WDR62: variants seen among roughly 807,000 people sequenced by gnomAD.
WDR62 encodes WD repeat domain 62, also known as WD repeat-containing protein 62.
In WDR62, 112 loss-of-function variants were observed where a neutral mutation model predicts 160.6. That is an observed-to-expected ratio of 0.70 (90% CI 0.60 to 0.82). WDR62 has a LOEUF of 0.82. WDR62 is among the 40% of genes least tolerant of loss of function. The pLI, the probability that WDR62 is intolerant of heterozygous loss-of-function variation, is 0.00. For missense variants in WDR62, 1,819 were observed against 1,983.8 expected (o/e 0.92, Z 1.58); for synonymous variants, 792 against 815.1 (o/e 0.97, Z 0.48).
Position 36,092,775 on chromosome 19 carries a change from A to G in WDR62, c.2297A>G (p.Gln766Arg). 1 of 1,614,174 alleles carries G rather than the reference A, an allele frequency of 6.2e-7. No homozygotes were observed. Among genetic ancestry groups the G allele is most frequent in the Non-Finnish European group, 8.5e-7 (1 of 1,180,006 alleles). The change falls in exon 19 of 32, where the codon CAG becomes CGG. Residue 766 changes from glutamine (Q) to arginine (R), a missense_variant. Physicochemically the swap from Gln to Arg is conservative, Grantham distance 43. Transcript: ENST00000401500. Reference sequence around the variant, plus strand: ...GAGATTGACCACCGGCAGCAGCAGCAGCACACAAATGACAAGAAGCGGAGT... The same window carrying G: ...GAGATTGACCACCGGCAGCAGCAGCGGCACACAAATGACAAGAAGCGGAGT... ...LLEIDHRQQQ[Q>R]HTNDKKRSGH...
At chr19:36,065,695 C>T (rs1970896927) in intron 3 of WDR62, among the ~76,000 whole-genome samples, 1 of 152,192 alleles carries the variant, frequency 6.6e-6, no homozygotes, top group East Asian at 1.9e-4. Context: ...GAGAAGAAAG[C>T]AGGGTCCGCA....
At position 36,091,766 on chromosome 19, in the gene WDR62, C is replaced by G. The variant is rs10405023; in HGVS notation, c.2210+301C>G. Among the ~76,000 whole-genome samples, 141,284 of 152,122 alleles carry G rather than the reference C, an allele frequency of 0.93. 65,694 individuals carry two copies. Among genetic ancestry groups the G allele is most frequent in the East Asian group, 1 (5,174 of 5,178 alleles). On this transcript the variant is annotated intron_variant, in intron 18 of 31. Coordinates refer to ENST00000401500, the MANE Select transcript of WDR62 (RefSeq NM_001083961.2). ...TAGCCGGGTGTGGTCATGTACACCTCTAGTCCCAGCTACTCAGGAGGGGGA... is the reference window on the plus strand; with the variant it reads ...TAGCCGGGTGTGGTCATGTACACCTGTAGTCCCAGCTACTCAGGAGGGGGA...
rs765416542 is a variant in WDR62 at position 36,103,549 on chromosome 19, A to G, written c.3721A>G (p.Ile1241Val). The G allele has an allele frequency of 1.2e-5, 19 of 1,613,718 alleles. No homozygotes were observed. The highest frequency in any genetic ancestry group is 5.0e-5 in the Admixed American group (3 of 60,006). Residue 1241 changes from isoleucine to valine, a missense_variant, in exon 30 of 32, where the codon ATC (isoleucine) becomes GTC (valine). Coordinates refer to ENST00000401500, the MANE Select transcript of WDR62 (RefSeq NM_001083961.2). ...CTCCCTCGGTGACAGTGAGGGCCCTATCGTGGCCACACTGGCCCAGCCCCT... is the reference window on the plus strand; with the variant it reads ...CTCCCTCGGTGACAGTGAGGGCCCTGTCGTGGCCACACTGGCCCAGCCCCT... The part of the protein sequence containing the change: ...SISLGDSEGP[I>V]VATLAQPLRR...
At chr19:36,064,455 A>G (rs1403822188) in intron 3 of WDR62, among the ~76,000 whole-genome samples, 2 of 150,126 alleles carry the variant, frequency 1.3e-5, no homozygotes, top group Non-Finnish European at 3.0e-5. Context: ...TTGTTTTTGT[A>G]TTTTTAGTAT....
chr19:36,071,481 C>T, intron 7 of WDR62, 75 bp from the exon 8 acceptor site: 1 of 1,580,478 alleles, frequency 6.3e-7, no homozygotes, highest in Middle Eastern at 1.7e-4. Context: ...CCTAAGGCTG[C>T]TCTGTCAGTC....
chr19:36,091,520 C>T, intron 18 of WDR62, 55 bp downstream of exon 18: 1 of 1,540,374 alleles, frequency 6.5e-7, no homozygotes, highest in Non-Finnish European at 9.0e-7. Flanking sequence ...GCACTGCACT[C>T]AGCCTGCCTG....
intron 3 of WDR62, among the ~76,000 whole-genome samples, chr19:36,063,165 G>A (rs963596260): frequency 2.0e-5 from 3 of 152,148 alleles, no homozygotes; most frequent in Non-Finnish European, 4.4e-5. Flanking sequence ...GGATGGTCTC[G>A]ATCTCCTGAC....
chr19:36,058,904 T>C (rs200253860), intron 2 of WDR62, 33 bp downstream of exon 2: 107 of 1,570,402 alleles, frequency 6.8e-5, no homozygotes, highest in Non-Finnish European at 8.8e-5. Context: ...GTCTAATCAT[T>C]GCTAGGGAAT....
At chr19:36,064,137 T>C (rs187579907) in intron 3 of WDR62, among the ~76,000 whole-genome samples, 45 of 152,326 alleles carry the variant, frequency 3.0e-4, no homozygotes, top group African/African-American at 1.1e-3. Context: ...GGTCAGGGCA[T>C]GCGACAGGTT....
At position 36,103,643 on chromosome 19, in the gene WDR62, C is replaced by T. The variant is rs778391501; in HGVS notation, c.3815C>T (p.Thr1272Ile). 6.2e-7 allele frequency: 1 copy of T among 1,610,632 alleles called. No homozygotes were observed. Among genetic ancestry groups the T allele is most frequent in the Non-Finnish European group, 8.5e-7 (1 of 1,179,974 alleles). The part of the protein sequence containing the change: ...GQELQAITTA[T>I]TPSLDSEGQE... Reference sequence around the variant, plus strand: ...GAGCTTCAGGCCATCACCACCGCGACAACACCCAGTTTGGACAGTGAGGGC... The same window carrying T: ...GAGCTTCAGGCCATCACCACCGCGATAACACCCAGTTTGGACAGTGAGGGC... The change falls in exon 30 of 32, where the codon ACA becomes ATA. Residue 1272 changes from threonine (T) to isoleucine (I), a missense_variant. By Grantham distance (89) the Thr-to-Ile change is moderately conservative. Coordinates refer to ENST00000401500, the MANE Select transcript of WDR62 (RefSeq NM_001083961.2).
chr19:36,111,057 T>C, the WDR62 span: 1 of 776,994 alleles, frequency 1.3e-6, no homozygotes, highest in Non-Finnish European at 2.0e-6. Flanking sequence ...CTTAGTCCAC[T>C]CCCAGGGCCA....
the WDR62 span, among the ~76,000 whole-genome samples, chr19:36,110,910 A>G: frequency 6.6e-5 from 10 of 151,346 alleles, no homozygotes; most frequent in Non-Finnish European, 1.2e-4. Context: ...CTATCCTCAA[A>G]AGCTCCCCAG....
intron 12 of WDR62, among the ~76,000 whole-genome samples, chr19:36,085,807 T>C (rs1170097856): frequency 6.6e-6 from 1 of 152,136 alleles, no homozygotes; most frequent in African/African-American, 2.4e-5. Flanking sequence ...AGTCTTGCTC[T>C]GTCACCCAGA....
At chr19:36,066,195 G>A in intron 4 of WDR62, 62 bp from the exon 5 acceptor site, 3 of 1,611,670 alleles carry the variant, frequency 1.9e-6, no homozygotes, top group Non-Finnish European at 2.5e-6. Context: ...CTTCGGCCTT[G>A]ACAACCCTCT....
rs568521097 is a variant in WDR62, at chr19:36,102,342, C to T, written c.3220+191C>T. 6.2e-4 allele frequency: 458 copies of T among 741,922 alleles called. 4 individuals are homozygous for T. In the African/African-American group the frequency reaches 6.9e-3, roughly 11 times the overall value. The allele number at this position is 741,922 out of a possible 1,614,324, so 46.0% of individuals were successfully genotyped here. On this transcript the variant is annotated intron_variant, in intron 26 of 31. Transcript: ENST00000401500. ...GTGGCCCAATCTTGGCTCACTGCAA[C>T]CTCCGACTCCCTGGTTCAAGCAATT... is the stretch of plus-strand genomic sequence containing the variant.
At chr19:36,099,313 C>T (rs777623846) in intron 21 of WDR62, 86 bp from the exon 22 acceptor site, 85 of 1,091,150 alleles carry the variant, frequency 7.8e-5, no homozygotes, top group Non-Finnish European at 1.1e-4. Flanking sequence ...AGCCAAGAGT[C>T]CAGATGGGCT....
intron 24 of WDR62, 55 bp from the exon 25 acceptor site, chr19:36,101,609 C>G: frequency 7.1e-7 from 1 of 1,403,116 alleles, no homozygotes; most frequent in African/African-American, 1.4e-5. Flanking sequence ...AGCCCTGGCC[C>G]TGGCTCACCA....
intron 10 of WDR62, among the ~76,000 whole-genome samples, chr19:36,082,580 C>T (rs553333964): frequency 1.3e-5 from 2 of 152,326 alleles, no homozygotes; most frequent in South Asian, 2.1e-4. Context: ...CTCCTCTGTA[C>T]CTGTGACATA....
intron 7 of WDR62, among the ~76,000 whole-genome samples, chr19:36,069,069 C>CG (rs1004675123): frequency 6.8e-6 from 1 of 146,632 alleles, no homozygotes; most frequent in African/African-American, 2.6e-5. Context: ...GCTGGCCGGG[C>CG]GGGGGCTAAC....
Sources: allele counts gnomAD v4.1 joint callset (sites outside exome capture counted in the v4.1 genomes callset), GRCh38; gene constraint gnomAD v4.1.1; transcripts MANE v1.5; gene names NCBI Gene and HGNC (gene_info 2026-07-23, HGNC 2026-07-21).